The following FTCDNL1 variants were observed in gnomAD, a reference collection of about 807,000 sequenced individuals.
FTCDNL1 encodes the protein formiminotransferase cyclodeaminase N-terminal like.
FTCDNL1 carries 11 observed loss-of-function variants against 5.9 expected under a neutral mutation model. That is an observed-to-expected ratio of 1.87 (90% CI 1.18 to 3.10). The LOEUF (loss-of-function observed/expected upper bound fraction) is 3.10, where lower values mean the gene tolerates loss of function less well. Among genes scored for constraint, FTCDNL1 ranks in the 30% most tolerant of loss-of-function variants. The probability of loss-of-function intolerance (pLI) is 0.00; values close to 1 mark genes in which losing one functional copy is unlikely to be tolerated. For missense variants in FTCDNL1, 115 were observed against 65.5 expected (o/e 1.76, Z -2.61); for synonymous variants, 58 against 24.8 (o/e 2.34, Z -3.99).
intron 3 of FTCDNL1, among the ~76,000 whole-genome samples, chr2:199,765,556 A>ATATATATATATATATTTTT: frequency 2.3e-5 from 1 of 42,656 alleles, no homozygotes; most frequent in African/African-American, 6.4e-5. Context: ...ATATATATAT[A>ATATATATATATATATTTTT]TTTTTTTTTT....
chr2:199,754,288 G>A, the FTCDNL1 span, among the ~76,000 whole-genome samples: 29 of 152,278 alleles, frequency 1.9e-4, no homozygotes, highest in East Asian at 5.8e-4. Context: ...TGGGAGGAGC[G>A]GAAGGAATGT....
At chr2:199,819,824 T>A (rs930388986) in intron 3 of FTCDNL1, 67 bp from the exon 4 acceptor site, 1 of 654,766 alleles carries the variant, frequency 1.5e-6, no homozygotes, top group Non-Finnish European at 2.8e-6. Context: ...CCAAAGCATA[T>A]AATTTTTTTG....
intron 3 of FTCDNL1, among the ~76,000 whole-genome samples, chr2:199,768,739 G>C (rs893836639): frequency 2.6e-5 from 4 of 152,162 alleles, no homozygotes; most frequent in Non-Finnish European, 4.4e-5. Context: ...CTACCAGGGT[G>C]AGTTCTCATG....
intron 3 of FTCDNL1, among the ~76,000 whole-genome samples, chr2:199,840,489 T>C (rs1329398232): frequency 6.6e-6 from 1 of 152,100 alleles, no homozygotes; most frequent in African/African-American, 2.4e-5. Context: ...TGAGTGTGTG[T>C]GTGTTAGAGA....
At chr2:199,744,527 G>A in the FTCDNL1 span, among the ~76,000 whole-genome samples, 1 of 152,162 alleles carries the variant, frequency 6.6e-6, no homozygotes, top group Non-Finnish European at 1.5e-5. Context: ...AAGCCAGGAA[G>A]AGAGGCCTCA....
intron 3 of FTCDNL1, among the ~76,000 whole-genome samples, chr2:199,839,900 AT>A (rs1232346606): frequency 6.6e-6 from 1 of 151,974 alleles, no homozygotes; most frequent in Non-Finnish European, 1.5e-5. Context: ...AATGTACTTC[AT>A]TTTTTTTCAG....
At chr2:199,675,129 G>C in the FTCDNL1 span, among the ~76,000 whole-genome samples, 1 of 152,150 alleles carries the variant, frequency 6.6e-6, no homozygotes, top group African/African-American at 2.4e-5. Context: ...AATGTCATCA[G>C]AAGGTACTTT....
At chr2:199,843,265 C>T (rs1283097625) in intron 3 of FTCDNL1, among the ~76,000 whole-genome samples, 8 of 152,180 alleles carry the variant, frequency 5.3e-5, no homozygotes, top group African/African-American at 1.2e-4. Context: ...GTCTCCTACA[C>T]AGGATGAACA....
In FTCDNL1 at chr2:199,798,077, A is replaced by G. The variant is rs183706986; in HGVS notation, c.212-37242T>C. ...CTCTACCCTCTTTCCCCAGCCTCAC[A>G]CATAAGTTGAGCCAGACTTTCTGTT... On this transcript the variant is annotated intron_variant, in intron 3 of 3. Transcript: ENST00000416668. 2.6e-5 allele frequency among the ~76,000 whole-genome samples: 4 copies of G among 152,348 alleles called. No individual in the cohort carries two copies. The East Asian group carries it at 7.7e-4, about 29-fold the overall frequency.
chr2:199,674,675 A>G, the FTCDNL1 span, among the ~76,000 whole-genome samples: 4 of 152,206 alleles, frequency 2.6e-5, no homozygotes, highest in Non-Finnish European at 5.9e-5. Context: ...ATGTCCTCAT[A>G]TGCACACTTT....
At chr2:199,693,842 G>T in the FTCDNL1 span, among the ~76,000 whole-genome samples, 1 of 152,196 alleles carries the variant, frequency 6.6e-6, no homozygotes, top group African/African-American at 2.4e-5. Context: ...TATTTGTATG[G>T]CTGTGAACCA....
chr2:199,757,014 C>A (rs1002461371), downstream of FTCDNL1, among the ~76,000 whole-genome samples: 1 of 152,178 alleles, frequency 6.6e-6, no homozygotes, highest in South Asian at 2.1e-4. Flanking sequence ...ACAAGCAGGG[C>A]ATGAATAATC....
At chr2:199,723,492 C>T in the FTCDNL1 span, among the ~76,000 whole-genome samples, 1 of 152,020 alleles carries the variant, frequency 6.6e-6, no homozygotes, top group Non-Finnish European at 1.5e-5. Context: ...CCAGCTTTTG[C>T]CCATTCAGTA....
At chr2:199,743,764 A>G in the FTCDNL1 span, among the ~76,000 whole-genome samples, 1 of 152,180 alleles carries the variant, frequency 6.6e-6, no homozygotes, top group Admixed American at 6.5e-5. Context: ...TTCTTCTAAC[A>G]CTACATTTCC....
At chr2:199,771,977 C>A (rs1217289665) in intron 3 of FTCDNL1, among the ~76,000 whole-genome samples, 1 of 152,160 alleles carries the variant, frequency 6.6e-6, no homozygotes, top group Non-Finnish European at 1.5e-5. Context: ...AGTGAGAGAT[C>A]AACAGCAGTA....
chr2:199,679,642 T>C, the FTCDNL1 span, among the ~76,000 whole-genome samples: 1 of 152,118 alleles, frequency 6.6e-6, no homozygotes, highest in Non-Finnish European at 1.5e-5. Context: ...TTTTATTTTA[T>C]TTTTTGGTGG....
At chr2:199,685,123 G>A in the FTCDNL1 span, among the ~76,000 whole-genome samples, 1 of 152,084 alleles carries the variant, frequency 6.6e-6, no homozygotes, top group Admixed American at 6.6e-5. Context: ...TTGAAACAAT[G>A]TGGAGTCAAA....
At chr2:199,726,042 C>G in the FTCDNL1 span, among the ~76,000 whole-genome samples, 8 of 151,890 alleles carry the variant, frequency 5.3e-5, no homozygotes, top group Non-Finnish European at 1.2e-4. Flanking sequence ...TAGGTTAGGT[C>G]TTTTTATATA....
At chr2:199,846,049 T>C in intron 3 of FTCDNL1, 26 bp downstream of exon 3, 1 of 677,420 alleles carries the variant, frequency 1.5e-6, no homozygotes, top group Non-Finnish European at 2.7e-6. Flanking sequence ...AAGACATATA[T>C]GTAAAGAAAG....
Sources: gnomAD v4.1 joint callset for allele counts (sites outside exome capture counted in the v4.1 genomes callset) on GRCh38, gnomAD v4.1.1 for gene constraint, MANE v1.5 for transcripts, NCBI Gene and HGNC (gene_info 2026-07-23, HGNC 2026-07-21) for gene names.